The following AGMO variants were observed in gnomAD, a reference collection of about 807,000 sequenced individuals.
The protein encoded by AGMO is alkylglycerol monooxygenase.
AGMO carries 75 observed loss-of-function variants against 60.2 expected under a neutral mutation model. The observed-to-expected ratio is 1.25, with a 90% confidence interval of 1.03 to 1.51. The LOEUF (loss-of-function observed/expected upper bound fraction) is 1.51. Among genes scored for constraint, AGMO ranks in the 40% most tolerant of loss-of-function variants. AGMO has a pLI of 0.00. For synonymous variants in AGMO, 261 were observed against 177.1 expected (o/e 1.47, Z -3.76); for missense variants, 763 against 525.5 (o/e 1.45, Z -4.42).
intron 12 of AGMO, among the ~76,000 whole-genome samples, chr7:15,225,174 A>ATG (rs1324958533): frequency 6.6e-6 from 1 of 151,738 alleles, no homozygotes; most frequent in East Asian, 1.9e-4. Context: ...ACATTTTTCC[A>ATG]TGTGATTGCA....
intron 12 of AGMO, among the ~76,000 whole-genome samples, chr7:15,254,372 CT>C (rs1391177552): frequency 1.3e-5 from 2 of 152,106 alleles, no homozygotes; most frequent in Non-Finnish European, 1.5e-5. Flanking sequence ...CAGAGTTCCC[CT>C]TTCTCTACAT....
chr7:15,280,538 A>T (rs1783933131), intron 12 of AGMO, among the ~76,000 whole-genome samples: 1 of 152,178 alleles, frequency 6.6e-6, no homozygotes. Flanking sequence ...CAAAGGACAG[A>T]AACTTTTGGC....
chr7:15,170,454 C>G, the AGMO span, among the ~76,000 whole-genome samples: 1 of 152,162 alleles, frequency 6.6e-6, no homozygotes, highest in Middle Eastern at 3.4e-3. Flanking sequence ...AAGGAATAAC[C>G]AAGGTTAGCA....
At chr7:15,204,523 A>G (rs958368655) in intron 12 of AGMO, among the ~76,000 whole-genome samples, 2 of 152,202 alleles carry the variant, frequency 1.3e-5, no homozygotes, top group African/African-American at 4.8e-5. Context: ...TACAAACTCA[A>G]TGCACACTTA....
intron 10 of AGMO, among the ~76,000 whole-genome samples, 187 bp from the exon 11 acceptor site, chr7:15,366,409 GAC>G (rs1782982824): frequency 6.6e-6 from 1 of 152,042 alleles, no homozygotes. Context: ...TTCCTTGTTG[GAC>G]ACTTGGAGAA....
chr7:15,250,557 AC>A (rs1782899793), intron 12 of AGMO, among the ~76,000 whole-genome samples: 1 of 3,872 alleles, frequency 2.6e-4, no homozygotes, highest in African/African-American at 3.9e-3. Flanking sequence ...CACACACTAA[AC>A]ACACACACAC....
chr7:15,449,338 CT>C (rs1781795049), intron 3 of AGMO, among the ~76,000 whole-genome samples: 7 of 22,868 alleles, frequency 3.1e-4, no homozygotes, highest in Non-Finnish European at 1.1e-3. Context: ...CTCTTTCTCT[CT>C]CTCTCTCTCT....
chr7:15,139,513 C>T, the AGMO span, among the ~76,000 whole-genome samples: 1 of 152,098 alleles, frequency 6.6e-6, no homozygotes, highest in African/African-American at 2.4e-5. Flanking sequence ...CTCCCTCCTC[C>T]CACTCTCCAC....
chr7:15,542,122 C>T (rs1784645477), intron 3 of AGMO, among the ~76,000 whole-genome samples: 1 of 151,788 alleles, frequency 6.6e-6, no homozygotes, highest in Admixed American at 6.6e-5. Flanking sequence ...TCTAAAAACC[C>T]ATTTTAATAT....
chr7:15,299,898 T>G (rs1010214457), intron 12 of AGMO, among the ~76,000 whole-genome samples: 2 of 144,830 alleles, frequency 1.4e-5, no homozygotes, highest in African/African-American at 5.1e-5. Flanking sequence ...GTATGTTTTG[T>G]GTTCAACATA....
chr7:15,361,947 T>C (rs982795998), intron 12 of AGMO, among the ~76,000 whole-genome samples: 2 of 152,076 alleles, frequency 1.3e-5, no homozygotes, highest in African/African-American at 4.8e-5. Flanking sequence ...TATACAACAT[T>C]GATTTATATT....
At chr7:15,184,543 AAAG>A in the AGMO span, among the ~76,000 whole-genome samples, 3 of 59,786 alleles carry the variant, frequency 5.0e-5, no homozygotes, top group African/African-American at 6.7e-5. Context: ...AGGGAGGTAA[AAAG>A]GAAGGAAGGA....
At chr7:15,336,790 A>G (rs1054606885) in intron 12 of AGMO, among the ~76,000 whole-genome samples, 1 of 151,962 alleles carries the variant, frequency 6.6e-6, no homozygotes, top group African/African-American at 2.4e-5. Flanking sequence ...GATTTAAAAA[A>G]GCATTTATTA....
intron 12 of AGMO, among the ~76,000 whole-genome samples, chr7:15,330,494 C>G (rs916916112): frequency 6.6e-6 from 1 of 152,072 alleles, no homozygotes; most frequent in Non-Finnish European, 1.5e-5. Context: ...TTTTGGCAGT[C>G]ATGTATGTCA....
intron 6 of AGMO, among the ~76,000 whole-genome samples, chr7:15,392,366 C>T (rs182382614): frequency 1.6e-4 from 25 of 152,124 alleles, no homozygotes; most frequent in East Asian, 1.2e-3. Flanking sequence ...TCAACATGCC[C>T]GGCCCTATTT....
the AGMO span, among the ~76,000 whole-genome samples, chr7:15,118,923 A>T: frequency 8.9e-6 from 1 of 111,928 alleles, no homozygotes; most frequent in African/African-American, 3.4e-5. Flanking sequence ...TTTGAGACAG[A>T]GTCTCTCTCT....
intron 12 of AGMO, among the ~76,000 whole-genome samples, chr7:15,299,770 G>A (rs943320630): frequency 2.0e-5 from 3 of 151,488 alleles, no homozygotes; most frequent in African/African-American, 7.3e-5. Context: ...GGAGGTTTCA[G>A]TGAGCCAATA....
At chr7:15,505,325 G>A (rs970382488) in intron 3 of AGMO, among the ~76,000 whole-genome samples, 16 of 152,050 alleles carry the variant, frequency 1.1e-4, no homozygotes, top group African/African-American at 3.9e-4. Flanking sequence ...ATATAGCCAA[G>A]GTAGGATGAG....
chr7:15,326,209 A>G (rs1471411528), intron 12 of AGMO, among the ~76,000 whole-genome samples: 1 of 152,160 alleles, frequency 6.6e-6, no homozygotes, highest in Admixed American at 6.5e-5. Context: ...TAAAACTTAC[A>G]GTTAACTTTT....
Sources: allele counts gnomAD v4.1 joint callset (sites outside exome capture counted in the v4.1 genomes callset), GRCh38; gene constraint gnomAD v4.1.1; transcripts MANE v1.5; gene names NCBI Gene and HGNC (gene_info 2026-07-23, HGNC 2026-07-21).